Variants in SORBS2 observed in about 807,000 individuals in gnomAD.
SORBS2 encodes the protein sorbin and SH3 domain-containing protein 2.
SORBS2 carries 46 observed loss-of-function variants against 97.7 expected under a neutral mutation model. That is an observed-to-expected ratio of 0.47 (90% CI 0.37 to 0.60). The LOEUF (loss-of-function observed/expected upper bound fraction) is 0.60, where lower values mean the gene tolerates loss of function less well. Among genes scored for constraint, SORBS2 ranks in the 20% least tolerant of loss-of-function variants. SORBS2 has a pLI of 0.00. For synonymous variants in SORBS2, 476 were observed against 473.4 expected (o/e 1.01, Z -0.07); for missense variants, 1,316 against 1,282.3 (o/e 1.03, Z -0.40).
In SORBS2 at chr4:185,603,259, A is replaced by G. The variant is rs543212531; in HGVS notation, c.2796+8521T>C. ...ACCGAAGAACAAGTTAAAAAAAAAG[A>G]CAAGAAATAAATACCTTGGCCTTAA... On this transcript the variant is annotated intron_variant, in intron 12 of 14. Transcript: ENST00000418609. Among the ~76,000 whole-genome samples the G allele has an allele frequency of 4.6e-5, 7 of 151,958 alleles. No individual in the cohort carries two copies. The South Asian group carries it at 1.5e-3, about 31-fold the overall frequency.
intron 1 of SORBS2, among the ~76,000 whole-genome samples, chr4:185,806,528 G>T (rs1325180556): frequency 7.6e-6 from 1 of 131,650 alleles, no homozygotes; most frequent in African/African-American, 2.9e-5. Flanking sequence ...CGGGATCTCG[G>T]CTCACTGCAA....
At chr4:185,716,431 G>C (rs898731865) in intron 2 of SORBS2, among the ~76,000 whole-genome samples, 9 of 152,242 alleles carry the variant, frequency 5.9e-5, no homozygotes, top group Non-Finnish European at 1.2e-4. Flanking sequence ...AAGTGAGTCT[G>C]GCAGGTACTG....
chr4:185,681,487 C>T (rs901817069), intron 2 of SORBS2, among the ~76,000 whole-genome samples: 3 of 151,848 alleles, frequency 2.0e-5, no homozygotes, highest in Non-Finnish European at 4.4e-5. Flanking sequence ...ATTATTGGTG[C>T]ACATTCACTT....
At chr4:185,601,228 T>G (rs1230018785) in intron 12 of SORBS2, among the ~76,000 whole-genome samples, 1 of 152,214 alleles carries the variant, frequency 6.6e-6, no homozygotes, top group Non-Finnish European at 1.5e-5. Flanking sequence ...TCCACATCCA[T>G]TCTCTTCTTG....
rs774639618 is a variant in SORBS2 at position 185,623,602 on chromosome 4, G to A, written c.1527C>T (p.Ser509=). The A allele has an allele frequency of 6.2e-7, 1 of 1,614,104 alleles. No individual in the cohort carries two copies. Among genetic ancestry groups the A allele is most frequent in the Non-Finnish European group, 8.5e-7 (1 of 1,180,028 alleles). The stretch of plus-strand genomic sequence containing the variant: ...CTAGGTGAATGTAGTCACTGTGGTC[G>A]GACACAACCCCGTCCTGGTCGCTGT... Residue 509 remains serine (S), a synonymous_variant, in exon 7 of 15, where the codon TCC becomes TCT. Coordinates refer to ENST00000418609, the Ensembl canonical transcript of SORBS2. The surrounding 1 kb of genome is among the most constrained non-coding windows in gnomAD (Gnocchi z 6.4).
chr4:185,618,009 C>T (rs1239493993), intron 9 of SORBS2, among the ~76,000 whole-genome samples: 4 of 152,204 alleles, frequency 2.6e-5, no homozygotes, highest in African/African-American at 9.6e-5. Flanking sequence ...GGGTCCTGCT[C>T]TGTTGCCCAG....
At position 185,652,717 on chromosome 4, in the gene SORBS2, C is replaced by G. The variant is rs151036410; in HGVS notation, c.36G>C (p.Arg12=). The change falls in exon 2 of 15, where the codon CGG becomes CGC. Residue 12 remains arginine (R), a synonymous_variant. Coordinates refer to ENST00000418609, the Ensembl canonical transcript of SORBS2. ...ACATCGTCTTGTACCAGTCCTTGGG[C>G]CGGTCGACTGTCTGTAATGAAGAGA... The G allele has an allele frequency of 3.9e-5, 63 of 1,613,928 alleles. No homozygotes were observed. The African/African-American group carries it at 8.4e-4, about 22-fold the overall frequency.
intron 1 of SORBS2, among the ~76,000 whole-genome samples, chr4:185,860,127 C>T (rs188156277): frequency 6.6e-6 from 1 of 152,208 alleles, no homozygotes; most frequent in East Asian, 1.9e-4. Context: ...AAGGATCACA[C>T]AAAATATAAT....
Position 185,612,075 on chromosome 4 carries a change from T to G in SORBS2, c.2596-95A>C. 3.1e-6 allele frequency: 3 copies of G among 973,970 alleles called. No individual in the cohort carries two copies. In the Admixed American group the frequency reaches 7.0e-5, roughly 23 times the overall value. The allele number at this position is 973,970 out of a possible 1,614,324, so 60.3% of individuals were successfully genotyped here. The stretch of plus-strand genomic sequence containing the variant: ...TTTCTATGAAAAAATAGGTTTCCAT[T>G]TGGGCAGGTTTTATACCTTCAGTTT... On this transcript the variant is annotated intron_variant, in intron 11 of 14. Transcript: ENST00000418609.
chr4:185,801,752 G>A (rs1350700970), intron 1 of SORBS2, among the ~76,000 whole-genome samples: 1 of 151,976 alleles, frequency 6.6e-6, no homozygotes, highest in Non-Finnish European at 1.5e-5. Flanking sequence ...TTTAATCTCA[G>A]CACTTTAGCA....
chr4:185,805,416 G>A (rs1028691240), intron 1 of SORBS2, among the ~76,000 whole-genome samples: 1 of 152,148 alleles, frequency 6.6e-6, no homozygotes, highest in African/African-American at 2.4e-5. Context: ...ATTGCTGTAA[G>A]CCGTTCATTC....
intron 4 of SORBS2, among the ~76,000 whole-genome samples, chr4:185,642,157 G>C (rs1254231825): frequency 2.6e-5 from 4 of 152,092 alleles, no homozygotes; most frequent in African/African-American, 9.7e-5. Flanking sequence ...AATTCTTAAT[G>C]GTCATCAGAT....
At chr4:185,689,065 T>C (rs1333828661) in intron 2 of SORBS2, among the ~76,000 whole-genome samples, 1 of 152,198 alleles carries the variant, frequency 6.6e-6, no homozygotes, top group Non-Finnish European at 1.5e-5. Flanking sequence ...TACAAATTTG[T>C]ATGTGCTTAT....
At chr4:185,694,633 G>GC (rs2098143742) in intron 2 of SORBS2, among the ~76,000 whole-genome samples, 1 of 152,128 alleles carries the variant, frequency 6.6e-6, no homozygotes, top group Non-Finnish European at 1.5e-5. Flanking sequence ...GCTGTAAACA[G>GC]CATGACTTCG....
intron 2 of SORBS2, among the ~76,000 whole-genome samples, chr4:185,734,793 G>T (rs1475981364): frequency 6.6e-6 from 1 of 152,132 alleles, no homozygotes; most frequent in East Asian, 1.9e-4. Flanking sequence ...CCCTACTGGG[G>T]CTTCAAAGCC....
At chr4:185,646,632 C>A (rs755758045) in intron 4 of SORBS2, 36 bp downstream of exon 13, 17 of 1,346,114 alleles carry the variant, frequency 1.3e-5, no homozygotes, top group Non-Finnish European at 1.8e-5. Context: ...GGGAGCCCAG[C>A]GAGCTGGCAT....
intron 4 of SORBS2, among the ~76,000 whole-genome samples, chr4:185,636,239 T>C (rs761003929): frequency 1.3e-4 from 20 of 152,158 alleles, no homozygotes; most frequent in Non-Finnish European, 2.6e-4. Context: ...ATAAAATACA[T>C]TTACATTCAC....
At chr4:185,740,728 A>G (rs544822655) in intron 2 of SORBS2, among the ~76,000 whole-genome samples, 7 of 152,294 alleles carry the variant, frequency 4.6e-5, no homozygotes, top group Admixed American at 1.3e-4. Context: ...AACTCAGCCC[A>G]ACACTAACTC....
chr4:185,779,334 G>A lies in SORBS2; in HGVS notation c.-337-3968C>T, dbSNP rs561962458. ...AGACCTTTTTTTATTGGGTTGTTGT[G>A]AGGGTGAAAATTGTTATTTGAAACA... is the stretch of plus-strand genomic sequence containing the variant. On this transcript the variant is annotated intron_variant, in intron 1 of 20. Transcript: ENST00000284776. 3.3e-4 allele frequency among the ~76,000 whole-genome samples: 50 copies of A among 152,262 alleles called. 1 individual carries two copies. The South Asian group carries it at 8.1e-3, about 25-fold the overall frequency.
Sources: gnomAD v4.1 joint callset for allele counts (sites outside exome capture counted in the v4.1 genomes callset) on GRCh38, gnomAD v4.1.1 for gene constraint, Gnocchi (gnomAD v3.1) non-coding constraint, MANE v1.5 for transcripts, NCBI Gene and HGNC (gene_info 2026-07-23, HGNC 2026-07-21) for gene names.